TRPM3: variants seen among roughly 807,000 people sequenced by gnomAD.
TRPM3 encodes transient receptor potential cation channel subfamily M member 3, also known as long transient receptor potential channel 3.
Under a neutral mutation model 181.2 loss-of-function variants are expected in TRPM3, and 77 were observed. That is an observed-to-expected ratio of 0.42 (90% CI 0.35 to 0.51). TRPM3 has a LOEUF of 0.51. Among genes scored for constraint, TRPM3 ranks in the 20% least tolerant of loss-of-function variants. The probability of loss-of-function intolerance (pLI) is 0.01; values close to 1 mark genes in which losing one functional copy is unlikely to be tolerated. For missense variants in TRPM3, 1,759 were observed against 2,196.7 expected (o/e 0.80, Z 3.98); for synonymous variants, 745 against 796.4 (o/e 0.94, Z 1.09).
At position 70,827,985 on chromosome 9, in the gene TRPM3, T is replaced by C. The variant is rs1177137114; in HGVS notation, c.835A>G (p.Met279Val). ...CTGTTGAGAACAGTGAGCTTGCTCA[T>C]GGGATTGGACATGGTCTGGTATGGC... The part of the protein sequence containing the change: ...VRPYQTMSNP[M>V]SKLTVLNSMH... Residue 279 changes from methionine (M) to valine (V), a missense_variant, in exon 6 of 26, where the codon ATG becomes GTG. Met to Val is a conservative substitution (Grantham distance 21). This residue lies in a region of TRPM3 where 737 missense variants were observed against 957.4 expected (regional missense o/e 0.77). Transcript: ENST00000677713. 6.2e-7 allele frequency: 1 copy of C among 1,613,946 alleles called. No individual in the cohort carries two copies.
Position 70,533,036 on chromosome 9 carries a change from A to G in TRPM3, c.*2917T>C, listed in dbSNP as rs1262524785. On this transcript the variant is annotated 3_prime_UTR_variant, in exon 26 of 26. Transcript: ENST00000677713. ...CTACAGTCATTTAAGTTTGGCTTAT[A>G]TATTTCACACGTTTCACAGACGTTA... The G allele has an allele frequency of 6.6e-6, 1 of 152,236 alleles. No individual in the cohort carries two copies. The highest frequency in any genetic ancestry group is 2.4e-5 in the African/African-American group (1 of 41,460). The allele number at this position is 152,236 out of a possible 1,614,324, so 9.4% of individuals were successfully genotyped here. A position where few individuals can be genotyped will look rare whatever the true frequency, so the allele number is the denominator to read the frequency against.
intron 1 of TRPM3, among the ~76,000 whole-genome samples, chr9:70,940,885 A>C (rs1241437225): frequency 1.3e-5 from 2 of 152,250 alleles, no homozygotes; most frequent in Non-Finnish European, 2.9e-5. Context: ...TTGTGTCTTC[A>C]TGAGGAAAAA....
intron 22 of TRPM3, among the ~76,000 whole-genome samples, chr9:70,562,900 C>T (rs527844310): frequency 7.2e-5 from 11 of 152,124 alleles, no homozygotes; most frequent in Non-Finnish European, 1.5e-4. Flanking sequence ...ATTAGGAGAT[C>T]GATTGCATTA....
At chr9:71,381,887 C>T (rs1012486221) in intron 1 of TRPM3, among the ~76,000 whole-genome samples, 1 of 152,140 alleles carries the variant, frequency 6.6e-6, no homozygotes, top group African/African-American at 2.4e-5. Flanking sequence ...CTGGGTTCAG[C>T]AAATGTTAAT....
At chr9:70,895,854 A>G (rs1564708953) in intron 1 of TRPM3, among the ~76,000 whole-genome samples, 1 of 152,192 alleles carries the variant, frequency 6.6e-6, no homozygotes, top group African/African-American at 2.4e-5. Flanking sequence ...CCTGGAAGAA[A>G]TAGCAAGTTT....
intron 22 of TRPM3, among the ~76,000 whole-genome samples, chr9:70,563,353 G>T (rs1407968499): frequency 1.3e-5 from 2 of 152,120 alleles, no homozygotes; most frequent in African/African-American, 4.8e-5. Flanking sequence ...ATTCTAGGGT[G>T]GTTTTTCCTG....
intron 22 of TRPM3, among the ~76,000 whole-genome samples, chr9:70,559,741 A>G (rs2048597675): frequency 1.3e-5 from 2 of 152,174 alleles, no homozygotes. Flanking sequence ...AAGATCAGTG[A>G]CATTCTTCTT....
chr9:70,614,449 T>C (rs2062464079), intron 18 of TRPM3, among the ~76,000 whole-genome samples: 1 of 151,978 alleles, frequency 6.6e-6, no homozygotes, highest in African/African-American at 2.4e-5. Flanking sequence ...TGAGCTATAA[T>C]CACACCATTT....
At chr9:70,609,976 G>C (rs1355839809) in intron 19 of TRPM3, among the ~76,000 whole-genome samples, 1 of 151,976 alleles carries the variant, frequency 6.6e-6, no homozygotes, top group Admixed American at 6.6e-5. Flanking sequence ...ACCATATCAG[G>C]AGGTCGTCAT....
chr9:70,656,928 G>GT (rs201245788), intron 9 of TRPM3, among the ~76,000 whole-genome samples: 6,351 of 121,662 alleles, frequency 0.052, 215 homozygotes, highest in Admixed American at 0.13. Context: ...AAAAAAAAGT[G>GT]TTTTTTTTTT....
At chr9:71,069,730 T>A (rs2062467260) in intron 1 of TRPM3, among the ~76,000 whole-genome samples, 1 of 151,168 alleles carries the variant, frequency 6.6e-6, no homozygotes, top group Admixed American at 6.6e-5. Flanking sequence ...TGCCTCAGCC[T>A]CCCAAGTAGC....
intron 3 of TRPM3, among the ~76,000 whole-genome samples, chr9:70,862,065 G>T (rs764768806): frequency 2.0e-5 from 3 of 152,040 alleles, no homozygotes; most frequent in Non-Finnish European, 4.4e-5. Context: ...CTTGTGGTCT[G>T]TAGTATGCTT....
intron 1 of TRPM3, among the ~76,000 whole-genome samples, chr9:71,253,589 A>T (rs1565388045): frequency 6.6e-6 from 1 of 152,178 alleles, no homozygotes; most frequent in Non-Finnish European, 1.5e-5. Context: ...GTTGCCCCCA[A>T]ATTTATCCTC....
At chr9:71,285,624 C>A (rs1197217712) in intron 1 of TRPM3, among the ~76,000 whole-genome samples, 1 of 152,168 alleles carries the variant, frequency 6.6e-6, no homozygotes, top group Non-Finnish European at 1.5e-5. Context: ...GCTACTTAGT[C>A]CAAATCAAAT....
At chr9:70,696,019 C>T (rs1285699619) in intron 8 of TRPM3, among the ~76,000 whole-genome samples, 2 of 152,172 alleles carry the variant, frequency 1.3e-5, no homozygotes, top group African/African-American at 2.4e-5. Flanking sequence ...CAGAGACTCA[C>T]GTACAAGCAA....
Position 70,804,128 on chromosome 9 carries a change from C to G in TRPM3, c.974-19849G>C, listed in dbSNP as rs548343015. Among the ~76,000 whole-genome samples the G allele has an allele frequency of 5.9e-5, 9 of 151,934 alleles. No homozygotes were observed. In the South Asian group the frequency reaches 1.9e-3, roughly 32 times the overall value. Reference sequence around the variant, plus strand: ...GGTGGATCACTTGAGGCCACCAGTTCGAGATCAGCCTGACCAACATGGCAA... The same window carrying G: ...GGTGGATCACTTGAGGCCACCAGTTGGAGATCAGCCTGACCAACATGGCAA... On this transcript the variant is annotated intron_variant, in intron 6 of 25. Coordinates refer to ENST00000677713, the MANE Select transcript of TRPM3 (RefSeq NM_001366145.2).
chr9:71,302,993 T>C (rs568915811), intron 1 of TRPM3, among the ~76,000 whole-genome samples: 1 of 152,080 alleles, frequency 6.6e-6, no homozygotes, highest in Non-Finnish European at 1.5e-5. Context: ...ACTTGAAGCC[T>C]AAGGCCACTT....
intron 1 of TRPM3, among the ~76,000 whole-genome samples, chr9:71,181,055 G>A (rs1324593046): frequency 6.6e-6 from 1 of 152,016 alleles, no homozygotes; most frequent in Non-Finnish European, 1.5e-5. Context: ...CTAATTTGAG[G>A]ACCCAGACAC....
intron 1 of TRPM3, among the ~76,000 whole-genome samples, chr9:71,308,185 A>C (rs1398253235): frequency 1.3e-5 from 2 of 151,962 alleles, no homozygotes; most frequent in Non-Finnish European, 2.9e-5. Flanking sequence ...TGTTTTACTC[A>C]AGTTTCAATA....
Sources: allele counts gnomAD v4.1 joint callset (sites outside exome capture counted in the v4.1 genomes callset), GRCh38; gene constraint gnomAD v4.1.1; regional missense constraint gnomAD v4.1.1; transcripts MANE v1.5; gene names NCBI Gene and HGNC (gene_info 2026-07-23, HGNC 2026-07-21).